The following POLR3B variants were observed in gnomAD, a reference collection of about 807,000 sequenced individuals.
POLR3B encodes the protein RNA polymerase III subunit B.
Under a neutral mutation model 147.4 loss-of-function variants are expected in POLR3B, and 96 were observed. That is an observed-to-expected ratio of 0.65 (90% CI 0.55 to 0.77). The LOEUF is 0.77. POLR3B is among the 30% of genes least tolerant of loss of function. POLR3B has a pLI of 0.00. For synonymous variants in POLR3B, 461 were observed against 485.9 expected (o/e 0.95, Z 0.67); for missense variants, 1,036 against 1,413.5 (o/e 0.73, Z 4.28).
At chr12:106,490,631 T>A (rs2038394887) in intron 23 of POLR3B, among the ~76,000 whole-genome samples, 2 of 152,090 alleles carry the variant, frequency 1.3e-5, no homozygotes, top group South Asian at 4.2e-4. Flanking sequence ...TCTACTCCCC[T>A]CCCTCTGGGG....
chr12:106,382,542 G>A (rs1190012905), intron 9 of POLR3B, among the ~76,000 whole-genome samples: 1 of 152,174 alleles, frequency 6.6e-6, no homozygotes, highest in African/African-American at 2.4e-5. Context: ...CAGAATGGAT[G>A]TTGTGTTAGC....
At chr12:106,454,367 G>T (rs905181722) in intron 19 of POLR3B, 135 bp from the exon 20 acceptor site, 15 of 652,612 alleles carry the variant, frequency 2.3e-5, no homozygotes, top group Non-Finnish European at 4.1e-5. Flanking sequence ...TGAGAGTATT[G>T]CTTTTGAAAT....
At chr12:106,372,275 A>G (rs1281131644) in intron 6 of POLR3B, among the ~76,000 whole-genome samples, 1 of 136,564 alleles carries the variant, frequency 7.3e-6, no homozygotes, top group African/African-American at 2.7e-5. Flanking sequence ...CTTCATAACT[A>G]TTTCTGTTAT....
At position 106,387,262 on chromosome 12, in the gene POLR3B, T is replaced by C. The variant is rs535345688; in HGVS notation, c.724-5769T>C. Among the ~76,000 whole-genome samples, 3 of 152,352 alleles carry C rather than the reference T, an allele frequency of 2.0e-5. No homozygotes were observed. In the South Asian group the frequency reaches 6.2e-4, roughly 32 times the overall value. On this transcript the variant is annotated intron_variant, in intron 9 of 27. Transcript: ENST00000228347. ...TAGCTTTCCCTGTTATGAATCTGCATCATTATTTTTAGTGACTGTTGTGTA... is the reference window on the plus strand; with the variant it reads ...TAGCTTTCCCTGTTATGAATCTGCACCATTATTTTTAGTGACTGTTGTGTA...
chr12:106,361,395 G>C (rs549122528), intron 1 of POLR3B, among the ~76,000 whole-genome samples: 14 of 152,304 alleles, frequency 9.2e-5, no homozygotes, highest in African/African-American at 3.4e-4. Context: ...TATTCATTGA[G>C]ATTGAGAATG....
At chr12:106,387,526 T>C (rs2036857845) in intron 9 of POLR3B, among the ~76,000 whole-genome samples, 2 of 152,242 alleles carry the variant, frequency 1.3e-5, no homozygotes, top group Non-Finnish European at 2.9e-5. Context: ...CACTACATTC[T>C]AATCAGTAAA....
At chr12:106,452,747 TAAATC>T (rs1445433606) in intron 19 of POLR3B, among the ~76,000 whole-genome samples, 1 of 152,200 alleles carries the variant, frequency 6.6e-6, no homozygotes, top group Admixed American at 6.6e-5. Flanking sequence ...TAAAATAACA[TAAATC>T]AATTGGCAAT....
At chr12:106,413,636 T>G (rs1593027505) in intron 12 of POLR3B, among the ~76,000 whole-genome samples, 1 of 152,198 alleles carries the variant, frequency 6.6e-6, no homozygotes, top group East Asian at 1.9e-4. Flanking sequence ...ATGATATGCC[T>G]TGGTGTGAAT....
In POLR3B at chr12:106,477,887, T is replaced by TC. The variant is rs376638115; in HGVS notation, c.2713+14271dup. Among the ~76,000 whole-genome samples, 82 of 66,292 alleles carry TC rather than the reference T, an allele frequency of 1.2e-3. 8 individuals are homozygous for TC. Among genetic ancestry groups the TC allele is most frequent in the African/African-American group, 1.8e-3 (30 of 16,628 alleles). 43.5% of individuals were successfully genotyped at this position (66,292 alleles called of 152,430 possible). A position where few individuals can be genotyped will look rare whatever the true frequency, so the allele number is the denominator to read the frequency against. On this transcript the variant is annotated intron_variant, in intron 23 of 27. Transcript: ENST00000228347. Reference sequence around the variant, plus strand: ...GTTCCTATTCGGCCATCTTGGCTCCTCCCCTTTTTTTTTTTTTTTTTTTTT... The same window carrying TC: ...GTTCCTATTCGGCCATCTTGGCTCCTCCCCCTTTTTTTTTTTTTTTTTTTTT...
intron 10 of POLR3B, among the ~76,000 whole-genome samples, chr12:106,397,519 T>C (rs2036996555): frequency 6.6e-6 from 1 of 152,204 alleles, no homozygotes; most frequent in Non-Finnish European, 1.5e-5. Context: ...CATCATAGTT[T>C]AGTGATTTTT....
chr12:106,496,783 A>C lies in POLR3B; in HGVS notation c.2849A>C (p.Lys950Thr). Residue 950 changes from lysine to threonine, a missense_variant, in exon 25 of 28, where the codon AAG becomes ACG. Transcript: ENST00000228347. The part of the protein sequence containing the change: ...VGKLIELLAG[K>T]AGVLDGRFHY... ...AAGCTCATTGAGCTGCTGGCTGGCA[A>C]GGCCGGTGTGCTGGACGGCAGATTC... is the stretch of plus-strand genomic sequence containing the variant. The C allele has an allele frequency of 3.1e-6, 5 of 1,614,168 alleles. No homozygotes were observed. The highest frequency in any genetic ancestry group is 4.2e-6 in the Non-Finnish European group (5 of 1,180,026).
chr12:106,358,406 C>G (rs1023403941), intron 1 of POLR3B, among the ~76,000 whole-genome samples: 3 of 152,130 alleles, frequency 2.0e-5, no homozygotes, highest in African/African-American at 7.2e-5. Context: ...ACTTGAAGTT[C>G]CAGTTTGGGT....
At chr12:106,429,568 T>G (rs561808675) in intron 13 of POLR3B, among the ~76,000 whole-genome samples, 6 of 152,218 alleles carry the variant, frequency 3.9e-5, no homozygotes, top group Non-Finnish European at 7.4e-5. Context: ...AATACAATTA[T>G]AAAATATATT....
intron 23 of POLR3B, among the ~76,000 whole-genome samples, chr12:106,483,407 T>C (rs767340529): frequency 1.3e-5 from 2 of 152,140 alleles, no homozygotes; most frequent in Non-Finnish European, 2.9e-5. Context: ...CTTTAGGGGA[T>C]AGAAAGTAAA....
At chr12:106,472,561 G>C (rs1249229298) in intron 23 of POLR3B, among the ~76,000 whole-genome samples, 1 of 151,136 alleles carries the variant, frequency 6.6e-6, no homozygotes, top group Non-Finnish European at 1.5e-5. Flanking sequence ...CATTCTAACT[G>C]GTGTGAGATG....
chr12:106,437,147 T>C lies in POLR3B; in HGVS notation c.1856+16T>C. On this transcript the variant is annotated intron_variant, in intron 17 of 27. Transcript: ENST00000228347. ...AAGGGTACAGGTAAGTAGCCAAAAG[T>C]AAAACTTACCAATCTCCTTAATACC... 6.5e-7 allele frequency: 1 copy of C among 1,549,028 alleles called. No homozygotes were observed. The highest frequency in any genetic ancestry group is 1.1e-5 in the South Asian group (1 of 89,322).
At chr12:106,410,752 T>C in intron 11 of POLR3B, 74 bp from the exon 12 acceptor site, 1 of 1,198,112 alleles carries the variant, frequency 8.3e-7, no homozygotes, top group South Asian at 1.2e-5. Flanking sequence ...GTTATAGTAT[T>C]GATACTTTTC....
intron 10 of POLR3B, among the ~76,000 whole-genome samples, chr12:106,394,216 A>T (rs1003432579): frequency 2.0e-5 from 3 of 152,234 alleles, no homozygotes; most frequent in Non-Finnish European, 4.4e-5. Context: ...CAAATCAGTA[A>T]GGATTATTCT....
At chr12:106,503,714 C>T (rs1055249900) in intron 26 of POLR3B, among the ~76,000 whole-genome samples, 1 of 152,200 alleles carries the variant, frequency 6.6e-6, no homozygotes, top group African/African-American at 2.4e-5. Context: ...TACTTAAAGA[C>T]ATTGTTTCCT....
Sources: allele counts gnomAD v4.1 joint callset (sites outside exome capture counted in the v4.1 genomes callset), GRCh38; gene constraint gnomAD v4.1.1; transcripts MANE v1.5; gene names NCBI Gene and HGNC (gene_info 2026-07-23, HGNC 2026-07-21).